Variants in SCARF1 observed in about 807,000 individuals in gnomAD.
SCARF1 encodes acetyl LDL receptor.
Under a neutral mutation model 76.3 loss-of-function variants are expected in SCARF1, and 49 were observed. That is an observed-to-expected ratio of 0.64 (90% CI 0.51 to 0.81). SCARF1 has a LOEUF of 0.81. SCARF1 is among the 40% of genes least tolerant of loss of function. The probability of loss-of-function intolerance (pLI) is 0.00; values close to 1 mark genes in which losing one functional copy is unlikely to be tolerated. For synonymous variants in SCARF1, 495 were observed against 474.6 expected (o/e 1.04, Z -0.56); for missense variants, 1,098 against 1,143.9 (o/e 0.96, Z 0.58).
Position 1,640,545 on chromosome 17 carries a change from T to C in SCARF1, c.913A>G (p.Ser305Gly). 6.2e-7 allele frequency: 1 copy of C among 1,606,704 alleles called. No homozygotes were observed. The highest frequency in any genetic ancestry group is 8.5e-7 in the Non-Finnish European group (1 of 1,176,896). Residue 305 changes from serine (S) to glycine (G), a missense_variant, in exon 5 of 11, where the codon AGC becomes GGC. Transcript: ENST00000263071. The surrounding 1 kb of genome is among the most constrained non-coding windows in gnomAD (Gnocchi z 4.7). Reference protein sequence around the residue: ...QPCLPGTFGESCEQQCPHCRH... With the variant: ...QPCLPGTFGEGCEQQCPHCRH... ...CAGTGAGGGCACTGCTGTTCGCAGC[T>C]CTCGCCAAAGGTGCCAGGCAGGCAG... is the stretch of plus-strand genomic sequence containing the variant.
In SCARF1 at chr17:1,640,292, C is replaced by A. The variant is rs371348831; in HGVS notation, c.1010+156G>T. The A allele has an allele frequency of 2.6e-5, 21 of 819,504 alleles. 1 individual carries two copies. In the East Asian group the frequency reaches 5.1e-4, roughly 20 times the overall value. 50.8% of individuals were successfully genotyped at this position (819,504 alleles called of 1,614,324 possible). A position where few individuals can be genotyped will look rare whatever the true frequency, so the allele number is the denominator to read the frequency against. Reference sequence around the variant, plus strand: ...AGCTGGGATCCTGCCCAGGCCCCCCCAGAACCCACTGCTCTCCCCCAGTCT... The same window carrying A: ...AGCTGGGATCCTGCCCAGGCCCCCCAAGAACCCACTGCTCTCCCCCAGTCT... On this transcript the variant is annotated intron_variant, in intron 5 of 10. Coordinates refer to ENST00000263071, the MANE Select transcript of SCARF1 (RefSeq NM_003693.4). The surrounding 1 kb of genome is among the most constrained non-coding windows in gnomAD (Gnocchi z 4.7).
At chr17:1,643,218 CCA>C (rs1280890697) in intron 4 of SCARF1, 4 of 99,842 alleles carry the variant, frequency 4.0e-5, no homozygotes, top group African/African-American at 1.7e-4. Context: ...TGCCCGCTCA[CCA>C]GTTTCCACCC....
At position 1,636,930 on chromosome 17, in the gene SCARF1, C is replaced by T. The variant is rs763336921; in HGVS notation, c.1486+11G>A. On this transcript the variant is annotated intron_variant, in intron 9 of 10. Coordinates refer to ENST00000263071, the MANE Select transcript of SCARF1 (RefSeq NM_003693.4). The stretch of plus-strand genomic sequence containing the variant: ...TCCAATCCCAGACCCCGGCCCCCAG[C>T]GCCCACTGACCTGTCACCCAGGGTA... 21 of 1,614,094 alleles carry T rather than the reference C, an allele frequency of 1.3e-5. No homozygotes were observed. The East Asian group carries it at 2.0e-4, about 15-fold the overall frequency.
chr17:1,640,976 C>T lies in SCARF1; in HGVS notation c.792-310G>A, dbSNP rs1164365657. 6.6e-6 allele frequency among the ~76,000 whole-genome samples: 1 copy of T among 152,212 alleles called. No homozygotes were observed. Among genetic ancestry groups the T allele is most frequent in the Non-Finnish European group, 1.5e-5 (1 of 68,044 alleles). On this transcript the variant is annotated intron_variant, in intron 4 of 10. Coordinates refer to ENST00000263071, the MANE Select transcript of SCARF1 (RefSeq NM_003693.4). This position sits in a 1 kb window ranked among gnomAD's most constrained non-coding sequence, Gnocchi z 4.7. The stretch of plus-strand genomic sequence containing the variant: ...ACCACCAAGCTCTGAGTCCCATTTG[C>T]GAGGTCTGCCAGGCCTTCCCTCCTG...
In SCARF1 at chr17:1,636,630, A is replaced by G. The variant is rs994388780; in HGVS notation, c.1633+79T>C. On this transcript the variant is annotated intron_variant, in intron 10 of 10. Coordinates refer to ENST00000263071, the MANE Select transcript of SCARF1 (RefSeq NM_003693.4). ...CAGTCTCAAAAAAAAATAAAAATAA[A>G]TAACTTTGCTGGAGGACTAAAGAGG... 6.0e-6 allele frequency: 9 copies of G among 1,505,470 alleles called. No homozygotes were observed. The African/African-American group carries it at 1.1e-4, about 19-fold the overall frequency. 93.3% of individuals were successfully genotyped at this position (1,505,470 alleles called of 1,614,324 possible).
Position 1,644,181 on chromosome 17 carries a change from C to T in SCARF1, c.266-214G>A, listed in dbSNP as rs1040086293. 1.7e-5 allele frequency: 7 copies of T among 400,768 alleles called. No individual in the cohort carries two copies. In the Admixed American group the frequency reaches 1.8e-4, roughly 10 times the overall value. 24.8% of individuals were successfully genotyped at this position (400,768 alleles called of 1,614,324 possible). A position where few individuals can be genotyped will look rare whatever the true frequency, so the allele number is the denominator to read the frequency against. On this transcript the variant is annotated intron_variant, in intron 3 of 10. Transcript: ENST00000263071. This position sits in a 1 kb window ranked among gnomAD's most constrained non-coding sequence, Gnocchi z 4.8. ...CCTTAGCCATTAGTGGGAGGCTCAG[C>T]CTGCCACTTCACATTCCAGAACACA...
chr17:1,645,587 C>T lies in SCARF1; in HGVS notation c.101+10G>A, dbSNP rs367657383. 1.5e-5 allele frequency: 24 copies of T among 1,601,724 alleles called. No homozygotes were observed. Among genetic ancestry groups the T allele is most frequent in the African/African-American group, 5.4e-5 (4 of 74,672 alleles). ...GCTGGCCACACGCATCAGACTCCCA[C>T]GAGACCCACCTGCTGGCCACACAGA... On this transcript the variant is annotated intron_variant, in intron 1 of 10. Transcript: ENST00000263071. This position sits in a 1 kb window ranked among gnomAD's most constrained non-coding sequence, Gnocchi z 6.3.
At position 1,640,507 on chromosome 17, in the gene SCARF1, C is replaced by G. The variant is rs1162030267; in HGVS notation, c.951G>C (p.Glu317Asp). The G allele has an allele frequency of 7.6e-6, 12 of 1,587,768 alleles. No individual in the cohort carries two copies. The highest frequency in any genetic ancestry group is 1.0e-5 in the Non-Finnish European group (12 of 1,166,768). Reference sequence around the variant, plus strand: ...AGTGGCCAGTATCTGGCTCACAGGCCTCCCCATGTCGGCAGTGAGGGCACT... The same window carrying G: ...AGTGGCCAGTATCTGGCTCACAGGCGTCCCCATGTCGGCAGTGAGGGCACT... ...EQQCPHCRHG[E>D]ACEPDTGHCQ... Residue 317 changes from glutamate to aspartate, a missense_variant, in exon 5 of 11, where the codon GAG becomes GAC. Glu to Asp is a conservative substitution (Grantham distance 45, BLOSUM62 2). Coordinates refer to ENST00000263071, the MANE Select transcript of SCARF1 (RefSeq NM_003693.4). The surrounding 1 kb of genome is among the most constrained non-coding windows in gnomAD (Gnocchi z 4.7).
Position 1,645,389 on chromosome 17 carries a change from C to T in SCARF1, c.102-150G>A. 7 of 1,361,470 alleles carry T rather than the reference C, an allele frequency of 5.1e-6. No individual in the cohort carries two copies. Among genetic ancestry groups the T allele is most frequent in the Non-Finnish European group, 6.0e-6 (6 of 998,398 alleles). 84.3% of individuals were successfully genotyped at this position (1,361,470 alleles called of 1,614,324 possible). On this transcript the variant is annotated intron_variant, in intron 1 of 10. Coordinates refer to ENST00000263071, the MANE Select transcript of SCARF1 (RefSeq NM_003693.4). This position sits in a 1 kb window ranked among gnomAD's most constrained non-coding sequence, Gnocchi z 6.3. ...TCTTTACAGCTAGGGTCCCCAGCCCCTCCCCTCTCCTTCCCTGACCCTTCC... is the reference window on the plus strand; with the variant it reads ...TCTTTACAGCTAGGGTCCCCAGCCCTTCCCCTCTCCTTCCCTGACCCTTCC...
In SCARF1 at chr17:1,643,610, C is replaced by T; in HGVS notation, c.623G>A (p.Cys208Tyr). Residue 208 changes from cysteine to tyrosine, a missense_variant, in exon 4 of 11, where the codon TGC becomes TAC. By Grantham distance (194) the Cys-to-Tyr change is radical. Transcript: ENST00000263071. ...ACCCCACCAGCCCGGCCGGCAGGCG[C>T]AGCGGCCGGAGTCCTGCTCGCACGG... The part of the protein sequence containing the change: ...GSPCEQDSGR[C>Y]ACRPGWWGPE... 1 of 1,474,384 alleles carries T rather than the reference C, an allele frequency of 6.8e-7. No individual in the cohort carries two copies. The highest frequency in any genetic ancestry group is 2.4e-5 in the Admixed American group (1 of 42,050). The allele number at this position is 1,474,384 out of a possible 1,614,324, so 91.3% of individuals were successfully genotyped here.
chr17:1,640,513 A>G lies in SCARF1; in HGVS notation c.945T>C (p.His315=), dbSNP rs1276339857. 1.9e-6 allele frequency: 3 copies of G among 1,591,136 alleles called. No homozygotes were observed. Among genetic ancestry groups the G allele is most frequent in the African/African-American group, 2.7e-5 (2 of 74,256 alleles). The part of the protein sequence containing the change: ...SCEQQCPHCR[H]GEACEPDTGH... ...CAGTATCTGGCTCACAGGCCTCCCCATGTCGGCAGTGAGGGCACTGCTGTT... is the reference window on the plus strand; with the variant it reads ...CAGTATCTGGCTCACAGGCCTCCCCGTGTCGGCAGTGAGGGCACTGCTGTT... The change falls in exon 5 of 11, where the codon CAT becomes CAC. Residue 315 remains histidine (H), a synonymous_variant. Coordinates refer to ENST00000263071, the MANE Select transcript of SCARF1 (RefSeq NM_003693.4). This position sits in a 1 kb window ranked among gnomAD's most constrained non-coding sequence, Gnocchi z 4.7.
rs1286565369 is a variant in SCARF1 at position 1,643,710 on chromosome 17, C to G, written c.523G>C (p.Ala175Pro). 7.4e-7 allele frequency: 1 copy of G among 1,350,434 alleles called. No individual in the cohort carries two copies. Among genetic ancestry groups the G allele is most frequent in the East Asian group, 3.1e-5 (1 of 31,876 alleles). The allele number at this position is 1,350,434 out of a possible 1,614,324, so 83.7% of individuals were successfully genotyped here. The change falls in exon 4 of 11, where the codon GCC becomes CCC. Residue 175 changes from alanine to proline, a missense_variant. Coordinates refer to ENST00000263071, the MANE Select transcript of SCARF1 (RefSeq NM_003693.4). ...GGCTTGCACACGCAGGCGCCCGTGGCCTGCTCGCAGCGCGCCGCCGCGGTG... is the reference window on the plus strand; with the variant it reads ...GGCTTGCACACGCAGGCGCCCGTGGGCTGCTCGCAGCGCGCCGCCGCGGTG... ...CNTAAARCEQ[A>P]TGACVCKPGW...
intron 4 of SCARF1, among the ~76,000 whole-genome samples, chr17:1,641,535 A>G (rs1334198724): frequency 3.3e-5 from 5 of 152,200 alleles, no homozygotes; most frequent in Non-Finnish European, 5.9e-5. Context: ...GTTGTCACCA[A>G]TATAATTTCA....
At position 1,645,654 on chromosome 17, in the gene SCARF1, C is replaced by T. The variant is rs755910640; in HGVS notation, c.44G>A (p.Arg15Gln). Residue 15 changes from arginine to glutamine, a missense_variant, in exon 1 of 11, where the codon CGG (arginine) becomes CAG (glutamine). Coordinates refer to ENST00000263071, the MANE Select transcript of SCARF1 (RefSeq NM_003693.4). The surrounding 1 kb of genome is among the most constrained non-coding windows in gnomAD (Gnocchi z 6.3). ...LLLPLLLLWTRGTQGSELDPK... is the reference protein window; with the variant it reads ...LLLPLLLLWTQGTQGSELDPK... Reference sequence around the variant, plus strand: ...GTCCAGCTCGGACCCCTGAGTCCCCCGAGTCCAGAGCAGCAGCAGCGGGAG... The same window carrying T: ...GTCCAGCTCGGACCCCTGAGTCCCCTGAGTCCAGAGCAGCAGCAGCGGGAG... 1.7e-5 allele frequency: 28 copies of T among 1,608,708 alleles called. No individual in the cohort carries two copies. The highest frequency in any genetic ancestry group is 5.5e-5 in the South Asian group (5 of 90,780).
rs1363256390 is a variant in SCARF1, at chr17:1,634,821, C to G, written c.2430G>C (p.Glu810Asp). Reference protein sequence around the residue: ...PEQDPQKQAEEERQEEPEYEN... With the variant: ...PEQDPQKQAEDERQEEPEYEN... ...CATACTCAGGTTCCTCCTGCCTTTC[C>G]TCTTCAGCCTGCTTCTGGGGATCCT... The change falls in exon 11 of 11, where the codon GAG becomes GAC. Residue 810 changes from glutamate to aspartate, a missense_variant. Transcript: ENST00000263071. 5 of 1,613,300 alleles carry G rather than the reference C, an allele frequency of 3.1e-6. No individual in the cohort carries two copies. In the African/African-American group the frequency reaches 6.7e-5, roughly 22 times the overall value.
chr17:1,645,546 C>T lies in SCARF1; in HGVS notation c.101+51G>A. The T allele has an allele frequency of 6.4e-7, 1 of 1,573,712 alleles. No homozygotes were observed. The highest frequency in any genetic ancestry group is 8.6e-7 in the Non-Finnish European group (1 of 1,165,800). ...CCGGTTCAGCCACCCGCATCAGACTCCCACGAGACCCACCTGCTGGCCACA... is the reference window on the plus strand; with the variant it reads ...CCGGTTCAGCCACCCGCATCAGACTTCCACGAGACCCACCTGCTGGCCACA... On this transcript the variant is annotated intron_variant, in intron 1 of 10. Coordinates refer to ENST00000263071, the MANE Select transcript of SCARF1 (RefSeq NM_003693.4). The surrounding 1 kb of genome is among the most constrained non-coding windows in gnomAD (Gnocchi z 6.3).
At position 1,643,702 on chromosome 17, in the gene SCARF1, G is replaced by T; in HGVS notation, c.531C>A (p.Gly177=). ...ACCAGCCCGGCTTGCACACGCAGGC[G>T]CCCGTGGCCTGCTCGCAGCGCGCCG... is the stretch of plus-strand genomic sequence containing the variant. The part of the protein sequence containing the change: ...TAAARCEQAT[G]ACVCKPGWWG... The change falls in exon 4 of 11, where the codon GGC becomes GGA. Residue 177 remains glycine (G), a synonymous_variant. Coordinates refer to ENST00000263071, the MANE Select transcript of SCARF1 (RefSeq NM_003693.4). 1 of 1,370,054 alleles carries T rather than the reference G, an allele frequency of 7.3e-7. No individual in the cohort carries two copies. 84.9% of individuals were successfully genotyped at this position (1,370,054 alleles called of 1,614,324 possible).
In SCARF1 at chr17:1,644,348, G is replaced by C. The variant is rs1910343078; in HGVS notation, c.266-381C>G. ...CTGGCTTTCTCCTGATCTCAGGCCTGGATACTGCCCGCCAGGGTGTCGGGA... is the reference window on the plus strand; with the variant it reads ...CTGGCTTTCTCCTGATCTCAGGCCTCGATACTGCCCGCCAGGGTGTCGGGA... On this transcript the variant is annotated intron_variant, in intron 3 of 10. Coordinates refer to ENST00000263071, the MANE Select transcript of SCARF1 (RefSeq NM_003693.4). This position sits in a 1 kb window ranked among gnomAD's most constrained non-coding sequence, Gnocchi z 4.8. 7.1e-6 allele frequency: 2 copies of C among 282,528 alleles called. No individual in the cohort carries two copies. Among genetic ancestry groups the C allele is most frequent in the Admixed American group, 4.8e-5 (1 of 20,648 alleles). The allele number at this position is 282,528 out of a possible 1,614,324, so 17.5% of individuals were successfully genotyped here.
At position 1,640,696 on chromosome 17, in the gene SCARF1, T is replaced by A; in HGVS notation, c.792-30A>T. 1 of 1,588,822 alleles carries A rather than the reference T, an allele frequency of 6.3e-7. No homozygotes were observed. On this transcript the variant is annotated intron_variant, in intron 4 of 10. Coordinates refer to ENST00000263071, the MANE Select transcript of SCARF1 (RefSeq NM_003693.4). This position sits in a 1 kb window ranked among gnomAD's most constrained non-coding sequence, Gnocchi z 4.7. ...GAAGAGAAGGGCTTCGTGGGAACAG[T>A]GGGGGTGGATGGATGGAGCGCCCAC...
Sources: allele counts gnomAD v4.1 joint callset (sites outside exome capture counted in the v4.1 genomes callset), GRCh38; gene constraint gnomAD v4.1.1; non-coding constraint Gnocchi (gnomAD v3.1); transcripts MANE v1.5; gene names NCBI Gene and HGNC (gene_info 2026-07-23, HGNC 2026-07-21).